Variants in U2AF1L4 observed in about 807,000 individuals in gnomAD.
The protein encoded by U2AF1L4 is splicing factor U2AF 26 kDa subunit.
U2AF1L4 carries 21 observed loss-of-function variants against 21.7 expected under a neutral mutation model. That is an observed-to-expected ratio of 0.97 (90% CI 0.69 to 1.39). U2AF1L4 has a LOEUF of 1.39. U2AF1L4 is among the 40% of genes most tolerant of loss of function. U2AF1L4 has a pLI of 0.00. For synonymous variants in U2AF1L4, 92 were observed against 89.7 expected (o/e 1.03, Z -0.15); for missense variants, 259 against 245.7 (o/e 1.05, Z -0.36).
intron 2 of U2AF1L4, 57 bp from the exon 3 acceptor site, chr19:35,744,478 T>C: frequency 6.2e-7 from 1 of 1,612,412 alleles, no homozygotes; most frequent in Non-Finnish European, 8.5e-7. Context: ...CATCTGCCCC[T>C]ACCAACCCTC....
intron 5 of U2AF1L4, chr19:35,743,583 G>C (rs1023246219): frequency 2.5e-5 from 14 of 555,764 alleles, no homozygotes; most frequent in Non-Finnish European, 4.2e-5. Flanking sequence ...AGCTATTTGG[G>C]AGGCTGAGGC....
Position 35,743,866 on chromosome 19 carries a change from A to C in U2AF1L4, c.404T>G (p.Leu135Arg). ...CTGGAGGTTCTGGGAAATGGGCCGC[A>C]GATGCATGAAGTTGCAGAAGCCACC... is the stretch of plus-strand genomic sequence containing the variant. ...TRGGFCNFMH[L>R]RPISQNLQRQ... The change falls in exon 5 of 6, where the codon CTG becomes CGG. Residue 135 changes from leucine (L) to arginine (R), a missense_variant. Physicochemically the swap from Leu to Arg is moderately radical, Grantham distance 102. Transcript: ENST00000378975. The C allele has an allele frequency of 6.2e-7, 1 of 1,613,620 alleles. No homozygotes were observed. Among genetic ancestry groups the C allele is most frequent in the Non-Finnish European group, 8.5e-7 (1 of 1,179,838 alleles).
Position 35,744,079 on chromosome 19 carries a change from C to A in U2AF1L4, c.298G>T (p.Ala100Ser). The part of the protein sequence containing the change: ...ELSNRWFNGQ[A>S]VHGELSPVTD... ...ACAGGAGACAGCTCACCGTGCACAG[C>A]CTGCCCGTTGAACCAGCGGTTACTG... is the stretch of plus-strand genomic sequence containing the variant. The change falls in exon 4 of 6, where the codon GCT (alanine) becomes TCT (serine). Residue 100 changes from alanine (A) to serine (S), a missense_variant. Transcript: ENST00000378975. 6 of 1,614,042 alleles carry A rather than the reference C, an allele frequency of 3.7e-6. No homozygotes were observed. Among genetic ancestry groups the A allele is most frequent in the Non-Finnish European group, 5.1e-6 (6 of 1,180,028 alleles).
rs1220859598 is a variant in U2AF1L4 at position 35,745,122 on chromosome 19, C to CA, written c.132+2dup. The CA allele has an allele frequency of 6.2e-7, 1 of 1,612,826 alleles. No homozygotes were observed. The highest frequency in any genetic ancestry group is 8.5e-7 in the Non-Finnish European group (1 of 1,179,854). ...ACCCCCGAGGCTCCGTGCCGGGTCT[C>CA]ACCTGGCTGAATGTCGGCTTGTTGT... On this transcript the variant is annotated splice_region_variant and intron_variant, in intron 2 of 5. Coordinates refer to ENST00000378975, the MANE Select transcript of U2AF1L4 (RefSeq NM_001040425.3).
rs1163709267 is a variant in U2AF1L4 at position 35,743,822 on chromosome 19, C to T, written c.448G>A (p.Gly150Arg). ...QNLQRQLYGR[G>R]PRRRSPPRFH... is the part of the protein sequence containing the mutation. Reference sequence around the variant, plus strand: ...GTCCTGAGGTACCTGCGCCTGGGTCCCCGCCCATAGAGCTGCCTCTGGAGG... The same window carrying T: ...GTCCTGAGGTACCTGCGCCTGGGTCTCCGCCCATAGAGCTGCCTCTGGAGG... The change falls in exon 5 of 6, where the codon GGA becomes AGA. Residue 150 changes from glycine to arginine, a missense_variant. Coordinates refer to ENST00000378975, the MANE Select transcript of U2AF1L4 (RefSeq NM_001040425.3). The T allele has an allele frequency of 3.1e-6, 5 of 1,611,400 alleles. No individual in the cohort carries two copies. The African/African-American group carries it at 6.7e-5, about 22-fold the overall frequency.
intron 2 of U2AF1L4, 117 bp downstream of exon 2, chr19:35,745,008 A>T (rs1970501960): frequency 9.7e-7 from 1 of 1,035,688 alleles, no homozygotes; most frequent in Non-Finnish European, 1.4e-6. Context: ...TGAGAAAAAA[A>T]GCCGGGCGGT....
intron 2 of U2AF1L4, 42 bp downstream of exon 2, chr19:35,745,083 C>T: frequency 6.3e-7 from 1 of 1,588,474 alleles, no homozygotes. Flanking sequence ...AGGGGAAGGG[C>T]CAGGGAGCCG....
At position 35,744,418 on chromosome 19, in the gene U2AF1L4, C is replaced by T; in HGVS notation, c.136G>A (p.Val46Met). Reference protein sequence around the residue: ...LHNKPTFSQEVFTELQEKYGE... With the variant: ...LHNKPTFSQEMFTELQEKYGE... ...TACTTCTCCTGCAGTTCTGTGAACA[C>T]CTCCTGTGGAAGACGGGGAGGAACT... The change falls in exon 3 of 6, where the codon GTG becomes ATG. Residue 46 changes from valine to methionine, a missense_variant. Coordinates refer to ENST00000378975, the MANE Select transcript of U2AF1L4 (RefSeq NM_001040425.3). 1 of 1,614,192 alleles carries T rather than the reference C, an allele frequency of 6.2e-7. No individual in the cohort carries two copies. Among genetic ancestry groups the T allele is most frequent in the Non-Finnish European group, 8.5e-7 (1 of 1,180,036 alleles).
rs905082638 is a variant in U2AF1L4, at chr19:35,745,119, T to C, written c.132+6A>G. 6.2e-7 allele frequency: 1 copy of C among 1,612,418 alleles called. No individual in the cohort carries two copies. Among genetic ancestry groups the C allele is most frequent in the African/African-American group, 1.3e-5 (1 of 74,970 alleles). Reference sequence around the variant, plus strand: ...TTAACCCCCGAGGCTCCGTGCCGGGTCTCACCTGGCTGAATGTCGGCTTGT... The same window carrying C: ...TTAACCCCCGAGGCTCCGTGCCGGGCCTCACCTGGCTGAATGTCGGCTTGT... On this transcript the variant is annotated splice_donor_region_variant and intron_variant, in intron 2 of 5. Transcript: ENST00000378975.
intron 3 of U2AF1L4, 45 bp from the exon 4 acceptor site, chr19:35,744,190 T>C (rs1204165641): frequency 6.2e-7 from 1 of 1,608,886 alleles, no homozygotes; most frequent in Admixed American, 1.7e-5. Flanking sequence ...CTCAGAGATC[T>C]TCAGGGGACT....
Position 35,743,832 on chromosome 19 carries a change from G to C in U2AF1L4, c.438C>G (p.Leu146=), listed in dbSNP as rs1019608994. 1.9e-6 allele frequency: 3 copies of C among 1,612,810 alleles called. No homozygotes were observed. Among genetic ancestry groups the C allele is most frequent in the Non-Finnish European group, 2.5e-6 (3 of 1,179,480 alleles). ...ACCTGCGCCTGGGTCCCCGCCCATAGAGCTGCCTCTGGAGGTTCTGGGAAA... is the reference window on the plus strand; with the variant it reads ...ACCTGCGCCTGGGTCCCCGCCCATACAGCTGCCTCTGGAGGTTCTGGGAAA... ...RPISQNLQRQ[L]YGRGPRRRSP... Residue 146 remains leucine, a synonymous_variant, in exon 5 of 6, where the codon CTC becomes CTG. Transcript: ENST00000378975.
intron 5 of U2AF1L4, 48 bp from the exon 6 acceptor site, chr19:35,742,851 G>A (rs1313807885): frequency 1.3e-6 from 2 of 1,545,658 alleles, no homozygotes; most frequent in Non-Finnish European, 1.8e-6. Flanking sequence ...GAGGAGTGGT[G>A]CAGAGATCCT....
rs375049115 is a variant in U2AF1L4 at position 35,745,283 on chromosome 19, C to T, written c.44+65G>A. 2.3e-5 allele frequency: 36 copies of T among 1,596,874 alleles called. 1 individual carries two copies. The African/African-American group carries it at 3.5e-4, about 15-fold the overall frequency. On this transcript the variant is annotated intron_variant, in intron 1 of 5. Transcript: ENST00000378975. ...TGGGCACCCCAGAAACACCGCCCCA[C>T]CACCCAGGACCCCAGTACCCCGGCC...
chr19:35,745,098 C>A (rs762712898), intron 2 of U2AF1L4, 27 bp downstream of exon 2: 4 of 1,606,118 alleles, frequency 2.5e-6, no homozygotes, highest in Non-Finnish European at 8.5e-7. Context: ...GAGCCGTTAA[C>A]CCCCGAGGCT....
chr19:35,743,708 A>AC, intron 5 of U2AF1L4, 101 bp downstream of exon 5: 3 of 883,644 alleles, frequency 3.4e-6, no homozygotes, highest in Non-Finnish European at 5.2e-6. Context: ...AAAAAAAAAA[A>AC]GATTCTTGGG....
intron 5 of U2AF1L4, 171 bp downstream of exon 5, chr19:35,743,638 G>A (rs1299974796): frequency 1.5e-6 from 1 of 666,964 alleles, no homozygotes; most frequent in Non-Finnish European, 2.6e-6. Flanking sequence ...CATGAACCAA[G>A]ATGGTGCCAA....
chr19:35,744,561 G>A (rs1265156940), intron 2 of U2AF1L4, 140 bp from the exon 3 acceptor site: 2 of 1,562,912 alleles, frequency 1.3e-6, no homozygotes, highest in African/African-American at 1.3e-5. Flanking sequence ...GGCGGGCAGG[G>A]TGGAATCAGA....
chr19:35,744,509 G>A (rs1970470575), intron 2 of U2AF1L4, 88 bp from the exon 3 acceptor site: 4 of 1,610,044 alleles, frequency 2.5e-6, no homozygotes, highest in South Asian at 1.1e-5. Context: ...AGCTATCATA[G>A]TGCTCCTGCA....
rs566136339 is a variant in U2AF1L4 at position 35,745,264 on chromosome 19, C to A, written c.45-52G>T. The A allele has an allele frequency of 1.9e-6, 3 of 1,603,130 alleles. No homozygotes were observed. In the East Asian group the frequency reaches 6.7e-5, roughly 36 times the overall value. ...AACCGAGGGCCGGGGAAGCTGGGCA[C>A]CCCAGAAACACCGCCCCACCACCCA... is the stretch of plus-strand genomic sequence containing the variant. On this transcript the variant is annotated intron_variant, in intron 1 of 5. Transcript: ENST00000378975.
Sources: gnomAD v4.1 joint callset for allele counts on GRCh38, gnomAD v4.1.1 for gene constraint, MANE v1.5 for transcripts, NCBI Gene and HGNC (gene_info 2026-07-23, HGNC 2026-07-21) for gene names.